The following TRIT1 variants were observed in gnomAD, a reference collection of about 807,000 sequenced individuals.
TRIT1 encodes the protein tRNA dimethylallyltransferase.
In TRIT1, 43 loss-of-function variants were observed where a neutral mutation model predicts 51.2. That is an observed-to-expected ratio of 0.84 (90% CI 0.66 to 1.08). TRIT1 has a LOEUF of 1.08. TRIT1 is among the 50% of genes least tolerant of loss of function. The pLI is 0.00. For synonymous variants in TRIT1, 184 were observed against 203.9 expected (o/e 0.90, Z 0.83); for missense variants, 528 against 578.4 (o/e 0.91, Z 0.89).
Position 39,844,147 on chromosome 1 carries a change from C to A in TRIT1, c.1188G>T (p.Leu396=). ...TGATGATTCGATCACAGAGGTCACA[C>A]AGGTGATAACTTCTCTTGTTCTCAG... ...NEAENKRSYH[L]CDLCDRIIIG... is the part of the protein sequence containing the mutation. The change falls in exon 10 of 11, where the codon CTG becomes CTT. Residue 396 remains leucine, a synonymous_variant. Transcript: ENST00000316891. 6.2e-6 allele frequency: 10 copies of A among 1,614,202 alleles called. No individual in the cohort carries two copies. The highest frequency in any genetic ancestry group is 8.5e-6 in the Non-Finnish European group (10 of 1,180,010).
chr1:39,858,146 G>T (rs1352621498), intron 1 of TRIT1, among the ~76,000 whole-genome samples: 1 of 152,156 alleles, frequency 6.6e-6, no homozygotes, highest in African/African-American at 2.4e-5. Flanking sequence ...TTGAAAATAG[G>T]GATGAATACT....
intron 1 of TRIT1, among the ~76,000 whole-genome samples, chr1:39,871,271 C>T (rs1233922399): frequency 6.6e-6 from 1 of 152,096 alleles, no homozygotes; most frequent in African/African-American, 2.4e-5. Flanking sequence ...GAGCATTGGA[C>T]GCATGCAACA....
chr1:39,849,099 C>T (rs550454788), intron 5 of TRIT1, among the ~76,000 whole-genome samples: 39 of 152,122 alleles, frequency 2.6e-4, no homozygotes, highest in African/African-American at 9.4e-4. Flanking sequence ...ATTTATTGGC[C>T]TACAGCAACA....
chr1:39,867,724 T>G (rs114019649), intron 1 of TRIT1, among the ~76,000 whole-genome samples: 218 of 152,246 alleles, frequency 1.4e-3, no homozygotes, highest in African/African-American at 5.1e-3. Flanking sequence ...TCGAGAATAC[T>G]CAGGCTCCCC....
At chr1:39,865,137 C>T (rs1032767959) in intron 1 of TRIT1, among the ~76,000 whole-genome samples, 3 of 152,164 alleles carry the variant, frequency 2.0e-5, no homozygotes, top group African/African-American at 7.2e-5. Context: ...ACTAAGCTCT[C>T]AAAGCAAGTA....
chr1:39,844,090 C>A lies in TRIT1; in HGVS notation c.1234+11G>T. The A allele has an allele frequency of 1.2e-6, 2 of 1,600,744 alleles. No individual in the cohort carries two copies. The highest frequency in any genetic ancestry group is 2.2e-5 in the South Asian group (2 of 90,744). ...CTTATAGATTTCTTCATGCCCCTCC[C>A]CATACTCTACCTGCCCATTCGCGAT... On this transcript the variant is annotated intron_variant, in intron 10 of 10. Transcript: ENST00000316891.
chr1:39,852,752 T>C lies in TRIT1; in HGVS notation c.539A>G (p.His180Arg), dbSNP rs200061848. The change falls in exon 4 of 11, where the codon CAT becomes CGT. Residue 180 changes from histidine to arginine, a missense_variant. Transcript: ENST00000316891. Reference protein sequence around the residue: ...DPEMAAKLHPHDKRKVARSLQ... With the variant: ...DPEMAAKLHPRDKRKVARSLQ... ...TTACCTGGCCACTTTGCGTTTGTCA[T>C]GTGGATGCAGCTTGGCAGCCATTTC... The C allele has an allele frequency of 7.4e-6, 12 of 1,614,096 alleles. No individual in the cohort carries two copies. The Admixed American group carries it at 1.3e-4, about 18-fold the overall frequency.
intron 1 of TRIT1, among the ~76,000 whole-genome samples, chr1:39,859,768 G>C (rs914909271): frequency 6.6e-6 from 1 of 152,094 alleles, no homozygotes; most frequent in African/African-American, 2.4e-5. Flanking sequence ...GCTAGTAGAG[G>C]ATTTCTAAAT....
intron 1 of TRIT1, among the ~76,000 whole-genome samples, chr1:39,860,931 A>T (rs1643200305): frequency 6.6e-6 from 1 of 152,142 alleles, no homozygotes; most frequent in Admixed American, 6.6e-5. Flanking sequence ...TACAAAAATC[A>T]GCCAGGCGTG....
At chr1:39,863,461 TA>T (rs563722502) in intron 1 of TRIT1, among the ~76,000 whole-genome samples, 1 of 150,914 alleles carries the variant, frequency 6.6e-6, no homozygotes, top group South Asian at 2.1e-4. Flanking sequence ...CCCTGTCTCT[TA>T]AAAAAAAAGA....
At chr1:39,859,004 G>A (rs777019280) in intron 1 of TRIT1, among the ~76,000 whole-genome samples, 1 of 152,074 alleles carries the variant, frequency 6.6e-6, no homozygotes, top group Non-Finnish European at 1.5e-5. Context: ...GGTAATCCCA[G>A]CACTTTGAAA....
intron 1 of TRIT1, among the ~76,000 whole-genome samples, chr1:39,877,019 CAAAAAAAAAAAA>C (rs529375001): frequency 9.4e-5 from 7 of 74,604 alleles, no homozygotes; most frequent in Non-Finnish European, 1.2e-4. Context: ...AATGGGTCTT[CAAAAAAAAAAAA>C]AAAAAAAAAA....
chr1:39,846,421 T>G (rs1339684397), intron 8 of TRIT1, among the ~76,000 whole-genome samples: 5 of 152,214 alleles, frequency 3.3e-5, no homozygotes, highest in Non-Finnish European at 7.3e-5. Context: ...ATGCTTAAAT[T>G]AATCTCCTTT....
chr1:39,854,512 T>C (rs997824966), intron 2 of TRIT1, among the ~76,000 whole-genome samples: 1 of 152,284 alleles, frequency 6.6e-6, no homozygotes, highest in East Asian at 1.9e-4. Context: ...GTCTCTACCA[T>C]CATGGAGAGA....
chr1:39,842,672 C>T (rs931467297), intron 10 of TRIT1, among the ~76,000 whole-genome samples: 4 of 152,192 alleles, frequency 2.6e-5, no homozygotes, highest in African/African-American at 9.7e-5. Context: ...GATTTATTTT[C>T]ACTATCCTGT....
At position 39,852,798 on chromosome 1, in the gene TRIT1, G is replaced by A. The variant is rs766217798; in HGVS notation, c.493C>T (p.Arg165Cys). Residue 165 changes from arginine to cysteine, a missense_variant, in exon 4 of 11, where the codon CGC (arginine) becomes TGC (cysteine). Coordinates refer to ENST00000316891, the MANE Select transcript of TRIT1 (RefSeq NM_017646.6). Reference sequence around the variant, plus strand: ...ATTTCTGGGTCCACCTGGCTTAGGCGTTTGTGAAGTACAAGACCATCCTCC... The same window carrying A: ...ATTTCTGGGTCCACCTGGCTTAGGCATTTGTGAAGTACAAGACCATCCTCC... ...EKEDGLVLHK[R>C]LSQVDPEMAA... 9.3e-6 allele frequency: 15 copies of A among 1,614,082 alleles called. No homozygotes were observed. The highest frequency in any genetic ancestry group is 8.9e-5 in the East Asian group (4 of 44,896).
At chr1:39,858,442 AAAT>A (rs1178841154) in intron 1 of TRIT1, among the ~76,000 whole-genome samples, 5 of 152,216 alleles carry the variant, frequency 3.3e-5, no homozygotes, top group Non-Finnish European at 7.3e-5. Context: ...AGTAAAATGA[AAAT>A]AATAATATCT....
chr1:39,852,582 T>C (rs1358387087), intron 4 of TRIT1, 149 bp downstream of exon 4: 2 of 910,528 alleles, frequency 2.2e-6, no homozygotes, highest in Non-Finnish European at 3.4e-6. Context: ...AAGCAATAAC[T>C]CAGGGCCTCC....
intron 1 of TRIT1, 109 bp downstream of exon 1, chr1:39,883,209 C>A (rs1644316650): frequency 1.7e-6 from 2 of 1,206,186 alleles, no homozygotes; most frequent in East Asian, 5.2e-5. Flanking sequence ...CCTTTACCTA[C>A]CCCCTCCGCC....
Sources: gnomAD v4.1 joint callset for allele counts (sites outside exome capture counted in the v4.1 genomes callset) on GRCh38, gnomAD v4.1.1 for gene constraint, MANE v1.5 for transcripts, NCBI Gene and HGNC (gene_info 2026-07-23, HGNC 2026-07-21) for gene names.